ZNF407: variants seen among roughly 807,000 people sequenced by gnomAD.
ZNF407 encodes the protein zinc finger protein 407.
A neutral mutation model predicts 131.2 loss-of-function variants in ZNF407; 17 were observed. The ratio of observed to expected loss-of-function variants is 0.13; its 90% CI spans 0.09 to 0.19. The LOEUF (loss-of-function observed/expected upper bound fraction) is 0.19. Among genes scored for constraint, ZNF407 ranks in the 10% least tolerant of loss-of-function variants. ZNF407 has a pLI of 1.00. For missense variants in ZNF407, 2,681 were observed against 2,830.6 expected (o/e 0.95, Z 1.20); for synonymous variants, 1,156 against 1,062.0 (o/e 1.09, Z -1.72).
At chr18:74,803,702 G>T (rs765366782) in intron 4 of ZNF407, among the ~76,000 whole-genome samples, 2 of 152,156 alleles carry the variant, frequency 1.3e-5, no homozygotes, top group Non-Finnish European at 2.9e-5. Flanking sequence ...TTCTGATTGC[G>T]CATGAAAGAG....
intron 1 of ZNF407, among the ~76,000 whole-genome samples, chr18:74,626,549 T>C (rs1160599141): frequency 1.3e-5 from 2 of 152,214 alleles, no homozygotes; most frequent in African/African-American, 2.4e-5. Context: ...TTGGTGTCAC[T>C]ACAGTTCCGT....
At chr18:74,702,070 T>G (rs761393451) in intron 3 of ZNF407, among the ~76,000 whole-genome samples, 1 of 152,226 alleles carries the variant, frequency 6.6e-6, no homozygotes, top group African/African-American at 2.4e-5. Context: ...GCGAATATTC[T>G]ATTTTTGAAT....
intron 7 of ZNF407, among the ~76,000 whole-genome samples, chr18:74,892,752 A>C (rs1419518824): frequency 6.6e-6 from 1 of 152,202 alleles, no homozygotes; most frequent in Non-Finnish European, 1.5e-5. Context: ...CTGTTTTGAA[A>C]TGTAATTTTA....
intron 3 of ZNF407, among the ~76,000 whole-genome samples, chr18:74,762,700 CTT>C (rs1162903452): frequency 6.8e-6 from 1 of 146,100 alleles, no homozygotes. Context: ...TCTTGTCAGT[CTT>C]TTTTTTTTTA....
intron 8 of ZNF407, among the ~76,000 whole-genome samples, chr18:74,959,000 C>T (rs1222830763): frequency 6.6e-6 from 1 of 152,150 alleles, no homozygotes; most frequent in Non-Finnish European, 1.5e-5. Context: ...TCTTCTTCCA[C>T]AATGCCAAGT....
chr18:75,015,777 C>T (rs1973037072), intron 8 of ZNF407, among the ~76,000 whole-genome samples: 1 of 151,774 alleles, frequency 6.6e-6, no homozygotes, highest in Non-Finnish European at 1.5e-5. Context: ...CTAGATTTAT[C>T]ACTTCAATTA....
At position 74,919,850 on chromosome 18, in the gene ZNF407, C is replaced by T. The variant is rs535922719; in HGVS notation, c.5250-664C>T. Among the ~76,000 whole-genome samples, 9 of 152,264 alleles carry T rather than the reference C, an allele frequency of 5.9e-5. No homozygotes were observed. In the South Asian group the frequency reaches 8.3e-4, roughly 14 times the overall value. On this transcript the variant is annotated intron_variant, in intron 7 of 8. Transcript: ENST00000299687. ...TTCAGGGCTTGCATTTCTAATTCTG[C>T]GGGAAAGCACTGGGAGAGGAGCCCA...
chr18:74,889,760 GAATA>G (rs1164718298), intron 6 of ZNF407, among the ~76,000 whole-genome samples, 154 bp from the exon 7 acceptor site: 3 of 152,134 alleles, frequency 2.0e-5, no homozygotes, highest in African/African-American at 7.2e-5. Context: ...CTCACTCTGA[GAATA>G]AATATTCAAA....
chr18:74,943,141 C>T (rs186629604), intron 8 of ZNF407, among the ~76,000 whole-genome samples: 1 of 152,130 alleles, frequency 6.6e-6, no homozygotes, highest in Non-Finnish European at 1.5e-5. Context: ...TGGTCTCGAT[C>T]TCCTGACCTT....
At chr18:74,927,116 G>A (rs1971924412) in intron 8 of ZNF407, among the ~76,000 whole-genome samples, 1 of 152,140 alleles carries the variant, frequency 6.6e-6, no homozygotes, top group East Asian at 1.9e-4. Flanking sequence ...TAGTATCTGT[G>A]CCAAACTTTT....
chr18:74,795,318 A>G (rs913709211), intron 4 of ZNF407, among the ~76,000 whole-genome samples: 5 of 152,200 alleles, frequency 3.3e-5, no homozygotes, highest in Non-Finnish European at 7.4e-5. Context: ...GCATATATCA[A>G]ATCATAGCAT....
At position 74,606,971 on chromosome 18, in the gene ZNF407, C is replaced by T. The variant is rs115572162; in HGVS notation, c.-54+9034C>T. Among the ~76,000 whole-genome samples the T allele has an allele frequency of 3.5e-3, 536 of 152,286 alleles. 6 individuals carry two copies. Among genetic ancestry groups the T allele is most frequent in the African/African-American group, 0.012 (478 of 41,554 alleles). The stretch of plus-strand genomic sequence containing the variant: ...CAGGCCTTAGAGGAATGACTGCTAC[C>T]GTAGGGTTATCACCTTTTAGAGGGA... On this transcript the variant is annotated intron_variant, in intron 1 of 8. Coordinates refer to ENST00000299687, the MANE Select transcript of ZNF407 (RefSeq NM_017757.3).
chr18:75,055,754 A>G (rs946680698), intron 8 of ZNF407, among the ~76,000 whole-genome samples: 2 of 152,266 alleles, frequency 1.3e-5, no homozygotes, highest in African/African-American at 4.8e-5. Flanking sequence ...GGGGTTTTAT[A>G]TGATCATCTT....
intron 3 of ZNF407, among the ~76,000 whole-genome samples, chr18:74,643,615 C>T (rs1411422490): frequency 6.6e-6 from 1 of 151,758 alleles, no homozygotes; most frequent in Non-Finnish European, 1.5e-5. Context: ...TCTTAGTAAC[C>T]TCTTGGTTTT....
intron 4 of ZNF407, among the ~76,000 whole-genome samples, chr18:74,792,960 T>C (rs1353095569): frequency 6.6e-6 from 1 of 152,210 alleles, no homozygotes; most frequent in East Asian, 1.9e-4. Context: ...TATGCAGCTC[T>C]CCTCTCTTAC....
chr18:75,029,536 G>A (rs538728235), intron 8 of ZNF407, among the ~76,000 whole-genome samples: 2 of 151,822 alleles, frequency 1.3e-5, no homozygotes, highest in Non-Finnish European at 1.5e-5. Context: ...CATGGGATGC[G>A]GGAGCACGCT....
chr18:74,714,424 A>T (rs1041207035), intron 3 of ZNF407, among the ~76,000 whole-genome samples: 13 of 152,186 alleles, frequency 8.5e-5, no homozygotes, highest in Non-Finnish European at 1.3e-4. Context: ...CACATTTATG[A>T]ATTTTGCAGA....
At chr18:74,978,858 A>T (rs1042631943) in intron 8 of ZNF407, among the ~76,000 whole-genome samples, 1 of 152,146 alleles carries the variant, frequency 6.6e-6, no homozygotes, top group African/African-American at 2.4e-5. Flanking sequence ...TGAGTATATC[A>T]TGTAAGAAGG....
At chr18:74,963,195 C>G (rs1972368985) in intron 8 of ZNF407, among the ~76,000 whole-genome samples, 1 of 145,494 alleles carries the variant, frequency 6.9e-6, no homozygotes, top group Non-Finnish European at 1.5e-5. Context: ...TTCCCAAGTA[C>G]TGCAACAAAC....
Sources: allele counts gnomAD v4.1 joint callset (sites outside exome capture counted in the v4.1 genomes callset), GRCh38; gene constraint gnomAD v4.1.1; transcripts MANE v1.5; gene names NCBI Gene and HGNC (gene_info 2026-07-23, HGNC 2026-07-21).